The following NUDC variants were observed in gnomAD, a reference collection of about 807,000 sequenced individuals.
NUDC encodes the protein nuclear migration protein nudC.
NUDC carries 14 observed loss-of-function variants against 45.0 expected under a neutral mutation model. The observed-to-expected ratio is 0.31, with a 90% CI of 0.21 to 0.49. The LOEUF (loss-of-function observed/expected upper bound fraction) is 0.49. NUDC is among the 20% of genes least tolerant of loss of function. The pLI is 0.99. For missense variants in NUDC, 323 were observed against 426.2 expected, an observed-to-expected ratio of 0.76 and a Z score of 2.13; for synonymous variants, 153 against 156.7, an observed-to-expected ratio of 0.98 and a Z score of 0.17.
chr1:26,940,910 A>G (rs1211873911), intron 2 of NUDC, among the ~76,000 whole-genome samples: 2 of 147,956 alleles, frequency 1.4e-5, no homozygotes, highest in East Asian at 2.0e-4. Context: ...TTAGTCTCCA[A>G]TTCCTTTATT....
At chr1:26,902,791 G>A (rs2081986162) in intron 2 of NUDC, among the ~76,000 whole-genome samples, 1 of 152,056 alleles carries the variant, frequency 6.6e-6, no homozygotes, top group Non-Finnish European at 1.5e-5. Context: ...GCTAATGCCT[G>A]TAATCCCAGC....
chr1:26,905,684 G>A (rs939016093), intron 2 of NUDC, among the ~76,000 whole-genome samples: 1 of 151,616 alleles, frequency 6.6e-6, no homozygotes, highest in Non-Finnish European at 1.5e-5. Context: ...CCTGGTATAG[G>A]GAGGGTATCC....
At chr1:26,943,884 C>T (rs941872056) in intron 6 of NUDC, among the ~76,000 whole-genome samples, 1 of 152,102 alleles carries the variant, frequency 6.6e-6, no homozygotes, top group Non-Finnish European at 1.5e-5. Context: ...CCTTCACTCA[C>T]TCACCCCTCC....
chr1:26,941,922 T>G (rs1289489538), intron 4 of NUDC, 104 bp downstream of exon 4: 1 of 1,064,918 alleles, frequency 9.4e-7, no homozygotes, highest in East Asian at 2.6e-5. Context: ...TCCTATCCCC[T>G]CCCCTCCTGG....
intron 2 of NUDC, among the ~76,000 whole-genome samples, chr1:26,939,469 A>C (rs189290663): frequency 6.6e-6 from 1 of 152,272 alleles, no homozygotes; most frequent in Admixed American, 6.5e-5. Context: ...CTATAAAAAA[A>C]TACAAAAATT....
intron 2 of NUDC, among the ~76,000 whole-genome samples, chr1:26,929,316 T>G (rs2082159561): frequency 6.6e-6 from 1 of 151,846 alleles, no homozygotes; most frequent in African/African-American, 2.4e-5. Flanking sequence ...CGCACACCTG[T>G]AATCCCAGCT....
intron 8 of NUDC, 56 bp downstream of exon 8, chr1:26,945,742 C>A: frequency 1.6e-6 from 2 of 1,252,782 alleles, no homozygotes; most frequent in Non-Finnish European, 2.3e-6. Context: ...GCTTAGACTT[C>A]GGTGACAGCA....
chr1:26,910,673 A>T (rs1456379335), intron 2 of NUDC, among the ~76,000 whole-genome samples: 1 of 152,160 alleles, frequency 6.6e-6, no homozygotes, highest in South Asian at 2.1e-4. Flanking sequence ...TCCTATAGGC[A>T]TGTGTGTTGT....
chr1:26,942,896 T>C lies in NUDC; in HGVS notation c.572T>C (p.Phe191Ser), dbSNP rs1343751989. 5.6e-6 allele frequency: 9 copies of C among 1,613,822 alleles called. No individual in the cohort carries two copies. Among genetic ancestry groups the C allele is most frequent in the Non-Finnish European group, 7.6e-6 (9 of 1,180,026 alleles). ...LDLAVPFCVN[F>S]RLKGKDMVVD... ...CTGGCGGTCCCTTTCTGTGTGAACT[T>C]CCGGCTGAAAGGGAAGGACATGGTG... The change falls in exon 6 of 9, where the codon TTC (phenylalanine) becomes TCC (serine). Residue 191 changes from phenylalanine (F) to serine (S), a missense_variant. By Grantham distance (155) the Phe-to-Ser change is radical (BLOSUM62 -2). Coordinates refer to ENST00000321265, the MANE Select transcript of NUDC (RefSeq NM_006600.4).
At chr1:26,941,902 C>A in intron 4 of NUDC, 84 bp downstream of exon 4, 1 of 1,317,892 alleles carries the variant, frequency 7.6e-7, no homozygotes, top group Non-Finnish European at 1.1e-6. Context: ...CTCTGGAATA[C>A]CCTTCCTTAT....
chr1:26,938,638 C>T (rs934116770), intron 2 of NUDC, among the ~76,000 whole-genome samples: 12 of 152,142 alleles, frequency 7.9e-5, no homozygotes, highest in African/African-American at 2.7e-4. Flanking sequence ...GAGAATTTGG[C>T]GTCAAATGGG....
chr1:26,900,409 T>TCGC, intron 1 of NUDC: 1 of 1,611,642 alleles, frequency 6.2e-7, no homozygotes, highest in Non-Finnish European at 8.5e-7. Flanking sequence ...AGGTAAACTG[T>TCGC]CGCCTCCTCC....
intron 2 of NUDC, among the ~76,000 whole-genome samples, chr1:26,903,535 T>C (rs752126151): frequency 6.6e-6 from 1 of 152,142 alleles, no homozygotes; most frequent in Non-Finnish European, 1.5e-5. Context: ...ATAGTTACCT[T>C]GTGATAGCAA....
chr1:26,924,041 G>A lies in NUDC; in HGVS notation c.82-48G>A, dbSNP rs746173560. On this transcript the variant is annotated intron_variant, in intron 1 of 8. Coordinates refer to ENST00000321265, the MANE Select transcript of NUDC (RefSeq NM_006600.4). ...CAAGTTGACTTGTGTGCAGTTGAAGGGCTCCCAAATGCAGCTCTACTACTT... is the reference window on the plus strand; with the variant it reads ...CAAGTTGACTTGTGTGCAGTTGAAGAGCTCCCAAATGCAGCTCTACTACTT... 3.8e-6 allele frequency: 6 copies of A among 1,560,772 alleles called. No individual in the cohort carries two copies. The Admixed American group carries it at 8.3e-5, about 22-fold the overall frequency.
chr1:26,914,240 G>T (rs1419970975), intron 3 of NUDC, among the ~76,000 whole-genome samples: 2 of 152,166 alleles, frequency 1.3e-5, no homozygotes, highest in Non-Finnish European at 2.9e-5. Flanking sequence ...GACTCAAGTG[G>T]ATAAACAAGG....
chr1:26,946,223 A>G lies in NUDC; in HGVS notation c.*42A>G, dbSNP rs373113191. 9 of 1,553,260 alleles carry G rather than the reference A, an allele frequency of 5.8e-6. No individual in the cohort carries two copies. The African/African-American group carries it at 1.2e-4, about 21-fold the overall frequency. On this transcript the variant is annotated 3_prime_UTR_variant, in exon 9 of 9. Transcript: ENST00000321265. Reference sequence around the variant, plus strand: ...CCTGAACTCTTGGGGCTGAGCTGCAACCACCCAACTTTCTTTCCCACTCTT... The same window carrying G: ...CCTGAACTCTTGGGGCTGAGCTGCAGCCACCCAACTTTCTTTCCCACTCTT...
chr1:26,913,445 A>G (rs371747268), intron 3 of NUDC: 2 of 1,613,994 alleles, frequency 1.2e-6, no homozygotes, highest in Non-Finnish European at 1.7e-6. Flanking sequence ...AGGCAGGCAT[A>G]TTCCTTGGGG....
At chr1:26,942,346 AT>A (rs2124139396) in intron 4 of NUDC, among the ~76,000 whole-genome samples, 1 of 152,274 alleles carries the variant, frequency 6.6e-6, no homozygotes, top group Admixed American at 6.5e-5. Context: ...AGAAAACCCA[AT>A]AGCCAGAGAG....
intron 2 of NUDC, among the ~76,000 whole-genome samples, chr1:26,930,909 G>A (rs1035321623): frequency 4.6e-5 from 7 of 151,546 alleles, no homozygotes; most frequent in South Asian, 2.1e-4. Flanking sequence ...CCAGCTACTC[G>A]AGAAGCTGAG....
Sources: gnomAD v4.1 joint callset for allele counts (sites outside exome capture counted in the v4.1 genomes callset) on GRCh38, gnomAD v4.1.1 for gene constraint, MANE v1.5 for transcripts, NCBI Gene and HGNC (gene_info 2026-07-23, HGNC 2026-07-21) for gene names.